The following IQCJ variants were observed in gnomAD, a reference collection of about 807,000 sequenced individuals.
IQCJ encodes IQ motif containing J, also known as IQ domain-containing protein J.
A neutral mutation model predicts 11.0 loss-of-function variants in IQCJ; 9 were observed. That is an observed-to-expected ratio of 0.82 (90% CI 0.49 to 1.43). The LOEUF (loss-of-function observed/expected upper bound fraction) is 1.43. Among genes scored for constraint, IQCJ ranks in the 40% most tolerant of loss-of-function variants. The pLI is 0.00. For synonymous variants in IQCJ, 55 were observed against 51.3 expected, an observed-to-expected ratio of 1.07 and a Z score of -0.31; for missense variants, 146 against 133.2, an observed-to-expected ratio of 1.10 and a Z score of -0.47.
intron 1 of IQCJ, among the ~76,000 whole-genome samples, chr3:159,232,946 G>A (rs73877567): frequency 0.019 from 2,904 of 152,194 alleles, 85 homozygotes; most frequent in African/African-American, 0.067. Context: ...GGACAGATAG[G>A]ACTTAACATC....
intron 1 of IQCJ, among the ~76,000 whole-genome samples, chr3:159,170,046 T>C (rs1722407674): frequency 1.3e-5 from 2 of 152,226 alleles, no homozygotes; most frequent in South Asian, 4.1e-4. Context: ...AAGTGGTTAG[T>C]AAACTTCCTT....
At position 159,128,321 on chromosome 3, in the gene IQCJ, G is replaced by A. The variant is rs946589680; in HGVS notation, c.9+58880G>A. Among the ~76,000 whole-genome samples the A allele has an allele frequency of 1.4e-4, 22 of 152,176 alleles. 1 individual carries two copies. Among genetic ancestry groups the A allele is most frequent in the African/African-American group, 5.1e-4 (21 of 41,436 alleles). On this transcript the variant is annotated intron_variant, in intron 1 of 3. Transcript: ENST00000397832. ...TGGTTGTTGATATGTCTATATATGAGCCAGAGGAATGGATAGAAATCCAGA... is the reference window on the plus strand; with the variant it reads ...TGGTTGTTGATATGTCTATATATGAACCAGAGGAATGGATAGAAATCCAGA...
rs138530259 is a variant in IQCJ, at chr3:159,149,063, A to C, written c.9+79622A>C. On this transcript the variant is annotated intron_variant, in intron 1 of 3. Coordinates refer to ENST00000397832, the MANE Select transcript of IQCJ (RefSeq NM_001042706.3). Reference sequence around the variant, plus strand: ...TGGTTTGTGAGCCCACTAAATAATTAAAATAAACAAATGACTAATTTGCTT... The same window carrying C: ...TGGTTTGTGAGCCCACTAAATAATTCAAATAAACAAATGACTAATTTGCTT... 5.2e-3 allele frequency among the ~76,000 whole-genome samples: 791 copies of C among 152,356 alleles called. 13 individuals carry two copies. The highest frequency in any genetic ancestry group is 0.018 in the African/African-American group (762 of 41,572).
intron 1 of IQCJ, among the ~76,000 whole-genome samples, chr3:159,171,634 C>T (rs2108238479): frequency 6.6e-6 from 1 of 152,320 alleles, no homozygotes; most frequent in African/African-American, 2.4e-5. Context: ...ACCTTTGTTG[C>T]ACTCTAGACA....
chr3:159,139,867 CT>C, intron 1 of IQCJ, among the ~76,000 whole-genome samples: 1 of 152,274 alleles, frequency 6.6e-6, no homozygotes, highest in East Asian at 1.9e-4. Flanking sequence ...GCCCATTTGC[CT>C]AATAAAGAAA....
intron 1 of IQCJ, among the ~76,000 whole-genome samples, chr3:159,118,215 C>T (rs771876368): frequency 3.3e-5 from 5 of 152,088 alleles, no homozygotes; most frequent in Admixed American, 1.3e-4. Flanking sequence ...AATGGGGAAG[C>T]GATCAGGCTT....
At chr3:159,200,902 A>T (rs1368036038) in intron 1 of IQCJ, among the ~76,000 whole-genome samples, 1 of 152,166 alleles carries the variant, frequency 6.6e-6, no homozygotes, top group African/African-American at 2.4e-5. Context: ...GCTGAGTGAG[A>T]TAGAAGTGTG....
At chr3:159,089,046 A>T (rs1289562357) in intron 1 of IQCJ, among the ~76,000 whole-genome samples, 1 of 152,094 alleles carries the variant, frequency 6.6e-6, no homozygotes, top group Non-Finnish European at 1.5e-5. Flanking sequence ...ATGATTTTGC[A>T]GTGGCTGGTA....
chr3:159,149,756 C>T (rs887413887), intron 1 of IQCJ, among the ~76,000 whole-genome samples: 2 of 152,154 alleles, frequency 1.3e-5, no homozygotes, highest in South Asian at 2.1e-4. Context: ...ATTTACTCGG[C>T]TAAGCCTATT....
chr3:159,144,808 T>A (rs1204139457), intron 1 of IQCJ, among the ~76,000 whole-genome samples: 1 of 152,186 alleles, frequency 6.6e-6, no homozygotes, highest in Non-Finnish European at 1.5e-5. Flanking sequence ...CAATGATTCA[T>A]CATTAAATGA....
Position 159,263,727 on chromosome 3 carries a change from C to T in IQCJ, c.*996C>T. 1 of 984,892 alleles carries T rather than the reference C, an allele frequency of 1.0e-6. No individual in the cohort carries two copies. Among genetic ancestry groups the T allele is most frequent in the Non-Finnish European group, 1.2e-6 (1 of 829,490 alleles). 61.0% of individuals were successfully genotyped at this position (984,892 alleles called of 1,614,324 possible). A position where few individuals can be genotyped will look rare whatever the true frequency, so the allele number is the denominator to read the frequency against. ...TATTTGAAATGTTTTCAGATGGTTG[C>T]ATTGCATATTCTTCAATAAATGGTT... On this transcript the variant is annotated 3_prime_UTR_variant, in exon 4 of 4. Coordinates refer to ENST00000397832, the MANE Select transcript of IQCJ (RefSeq NM_001042706.3).
intron 1 of IQCJ, among the ~76,000 whole-genome samples, chr3:159,154,336 A>T (rs1381169626): frequency 6.6e-6 from 1 of 152,206 alleles, no homozygotes; most frequent in Non-Finnish European, 1.5e-5. Context: ...GGACCCAAAC[A>T]CAATGAGAGG....
At chr3:159,113,828 G>T (rs954906715) in intron 1 of IQCJ, among the ~76,000 whole-genome samples, 3 of 151,710 alleles carry the variant, frequency 2.0e-5, no homozygotes, top group African/African-American at 7.2e-5. Context: ...TACTGAATAA[G>T]ATGAATGATA....
At chr3:159,156,867 A>G (rs1031527305) in intron 1 of IQCJ, among the ~76,000 whole-genome samples, 2 of 152,252 alleles carry the variant, frequency 1.3e-5, no homozygotes, top group African/African-American at 4.8e-5. Context: ...TTAATAACAT[A>G]TAAAGATTCA....
chr3:159,213,699 G>A (rs548278210), intron 1 of IQCJ, among the ~76,000 whole-genome samples: 1 of 152,070 alleles, frequency 6.6e-6, no homozygotes, highest in Non-Finnish European at 1.5e-5. Context: ...CATAATTTAC[G>A]AATGAATTTT....
intron 2 of IQCJ, among the ~76,000 whole-genome samples, chr3:159,251,331 C>A (rs181608213): frequency 6.6e-6 from 1 of 151,998 alleles, no homozygotes; most frequent in Admixed American, 6.5e-5. Flanking sequence ...ATTTGAATAG[C>A]TTTCTAACTA....
chr3:159,080,023 T>C (rs2057722056), intron 1 of IQCJ, among the ~76,000 whole-genome samples: 1 of 152,136 alleles, frequency 6.6e-6, no homozygotes, highest in Admixed American at 6.5e-5. Context: ...AAACATGACT[T>C]CCATTTATTT....
chr3:159,227,799 C>A (rs1725948628), intron 1 of IQCJ, among the ~76,000 whole-genome samples: 1 of 152,108 alleles, frequency 6.6e-6, no homozygotes, highest in Non-Finnish European at 1.5e-5. Context: ...AGAGCCTTTC[C>A]AATACAGGTG....
At chr3:159,112,059 T>C (rs1306763650) in intron 1 of IQCJ, among the ~76,000 whole-genome samples, 2 of 152,172 alleles carry the variant, frequency 1.3e-5, no homozygotes, top group Non-Finnish European at 2.9e-5. Context: ...AGTTTGTCCG[T>C]GACCAAATAG....
Sources: gnomAD v4.1 joint callset for allele counts (sites outside exome capture counted in the v4.1 genomes callset) on GRCh38, gnomAD v4.1.1 for gene constraint, MANE v1.5 for transcripts, NCBI Gene and HGNC (gene_info 2026-07-23, HGNC 2026-07-21) for gene names.